TUBGCP3: variants seen among roughly 807,000 people sequenced by gnomAD.
The protein encoded by TUBGCP3 is gamma-tubulin complex component 3.
Under a neutral mutation model 123.1 loss-of-function variants are expected in TUBGCP3, and 50 were observed. That is an observed-to-expected ratio of 0.41 (90% confidence interval 0.32 to 0.51). The LOEUF (loss-of-function observed/expected upper bound fraction) is 0.51, where lower values mean the gene tolerates loss of function less well. TUBGCP3 is among the 20% of genes least tolerant of loss of function. The probability of loss-of-function intolerance (pLI) is 0.36; values close to 1 mark genes in which losing one functional copy is unlikely to be tolerated. For missense variants in TUBGCP3, 882 were observed against 1,127.0 expected (o/e 0.78, Z 3.11); for synonymous variants, 405 against 413.9 (o/e 0.98, Z 0.26).
Position 112,547,638 on chromosome 13 carries a change from G to A in TUBGCP3, c.1150C>T (p.Leu384=), listed in dbSNP as rs200478472. Reference sequence around the variant, plus strand: ...GTGGGACCTTGGCAGTGGTCCACTAGGGCCGCAAGGGTCTTCAGTCGTATT... The same window carrying A: ...GTGGGACCTTGGCAGTGGTCCACTAAGGCCGCAAGGGTCTTCAGTCGTATT... ...PKIRLKTLAA[L]VDHCQGRKGG... is the part of the protein sequence containing the mutation. The change falls in exon 10 of 22, where the codon CTA becomes TTA. Residue 384 remains leucine (L), a synonymous_variant. Coordinates refer to ENST00000261965, the MANE Select transcript of TUBGCP3 (RefSeq NM_006322.6). The A allele has an allele frequency of 1.3e-6, 2 of 1,555,318 alleles. No individual in the cohort carries two copies. Among genetic ancestry groups the A allele is most frequent in the Admixed American group, 1.9e-5 (1 of 53,026 alleles).
chr13:112,513,396 G>A (rs113914882), intron 17 of TUBGCP3, among the ~76,000 whole-genome samples: 3 of 152,212 alleles, frequency 2.0e-5, no homozygotes, highest in African/African-American at 7.2e-5. Context: ...GATCTGCTTG[G>A]TAGATCATGA....
Position 112,519,785 on chromosome 13 carries a change from T to C in TUBGCP3, c.1881+101A>G. 6.9e-7 allele frequency: 1 copy of C among 1,439,850 alleles called. No homozygotes were observed. The allele number at this position is 1,439,850 out of a possible 1,614,324, so 89.2% of individuals were successfully genotyped here. ...GCCCAGTTTCCAGAAAGATAACGGCTAGCTGTGCCTGAAACAACATGGAAA... is the reference window on the plus strand; with the variant it reads ...GCCCAGTTTCCAGAAAGATAACGGCCAGCTGTGCCTGAAACAACATGGAAA... On this transcript the variant is annotated intron_variant, in intron 15 of 21. Transcript: ENST00000261965. This position sits in a 1 kb window ranked among gnomAD's most constrained non-coding sequence, Gnocchi z 6.2.
intron 14 of TUBGCP3, among the ~76,000 whole-genome samples, chr13:112,520,504 TGACA>T (rs578041832): frequency 1.3e-5 from 2 of 151,914 alleles, no homozygotes; most frequent in African/African-American, 2.4e-5. Flanking sequence ...ACTGCCTGGG[TGACA>T]GACAGAGCGA....
At chr13:112,589,229 G>A (rs1378329462), upstream of TUBGCP3, among the ~76,000 whole-genome samples, 2 of 152,170 alleles carry the variant, frequency 1.3e-5, no homozygotes, top group African/African-American at 2.4e-5. Context: ...TCTCTCAGCC[G>A]CATACTACAA....
chr13:112,567,067 C>T (rs1375849644), intron 2 of TUBGCP3, among the ~76,000 whole-genome samples: 2 of 152,188 alleles, frequency 1.3e-5, no homozygotes, highest in African/African-American at 4.8e-5. Context: ...ATTAACAGTG[C>T]CTATCACAGG....
At chr13:112,580,837 A>G (rs947319608) in intron 1 of TUBGCP3, among the ~76,000 whole-genome samples, 1 of 152,256 alleles carries the variant, frequency 6.6e-6, no homozygotes, top group Admixed American at 6.5e-5. Flanking sequence ...GTAATTATTT[A>G]GATCAGCAAA....
chr13:112,561,103 G>A (rs1036958855), intron 3 of TUBGCP3, among the ~76,000 whole-genome samples: 3 of 152,244 alleles, frequency 2.0e-5, no homozygotes, highest in East Asian at 1.9e-4. Flanking sequence ...TGCGAAGGAC[G>A]TCCTAGGCAG....
At chr13:112,488,570 C>T (rs1879835250) in intron 21 of TUBGCP3, among the ~76,000 whole-genome samples, 1 of 152,180 alleles carries the variant, frequency 6.6e-6, no homozygotes, top group Non-Finnish European at 1.5e-5. Context: ...CTGCAGGTCC[C>T]CACAATCCCA....
At chr13:112,555,471 C>T (rs1431531992) in intron 6 of TUBGCP3, among the ~76,000 whole-genome samples, 1 of 152,194 alleles carries the variant, frequency 6.6e-6, no homozygotes, top group African/African-American at 2.4e-5. Context: ...TTTCAGGACA[C>T]TCATGTTTCA....
rs377093438 is a variant in TUBGCP3, at chr13:112,565,130, T to C, written c.233A>G (p.His78Arg). The C allele has an allele frequency of 8.1e-6, 13 of 1,613,802 alleles. No homozygotes were observed. Among genetic ancestry groups the C allele is most frequent in the Non-Finnish European group, 1.0e-5 (12 of 1,179,972 alleles). The change falls in exon 3 of 22, where the codon CAC (histidine) becomes CGC (arginine). Residue 78 changes from histidine to arginine, a missense_variant. By Grantham distance (29) the His-to-Arg change is conservative. This residue lies in a region of TUBGCP3 where 713 missense variants were observed against 874.0 expected (regional missense o/e 0.82). Transcript: ENST00000261965. ...CTGTACCTGTGAATGAAGTTTTCTG[T>C]GGAGTTCTGAAAATAATGCAGCATC... is the stretch of plus-strand genomic sequence containing the variant. ...EADAALFSEL[H>R]RKLHSQGVLK...
intron 4 of TUBGCP3, 71 bp from the exon 5 acceptor site, chr13:112,558,484 A>ATTT: frequency 7.7e-7 from 1 of 1,295,610 alleles, no homozygotes; most frequent in Non-Finnish European, 1.0e-6. Flanking sequence ...TAAAAAGGTC[A>ATTT]TTTATATTCA....
chr13:112,579,647 G>C (rs1023103763), intron 1 of TUBGCP3, among the ~76,000 whole-genome samples: 3 of 145,938 alleles, frequency 2.1e-5, no homozygotes, highest in African/African-American at 7.6e-5. Flanking sequence ...TGCTGAGTGG[G>C]GGTGGAGCCA....
intron 11 of TUBGCP3, among the ~76,000 whole-genome samples, chr13:112,539,128 A>G (rs1339514738): frequency 2.0e-5 from 3 of 152,230 alleles, no homozygotes; most frequent in African/African-American, 7.2e-5. Context: ...TGTTCTCCTT[A>G]AAGTAGCAGC....
At chr13:112,588,193 G>T (rs922879313), upstream of TUBGCP3, 10 of 409,764 alleles carry the variant, frequency 2.4e-5, no homozygotes, top group Middle Eastern at 6.3e-4. Context: ...CCTGCGCCGC[G>T]GCCGCGCGTG....
chr13:112,567,710 T>C (rs1444997733), intron 2 of TUBGCP3, among the ~76,000 whole-genome samples: 1 of 152,226 alleles, frequency 6.6e-6, no homozygotes, highest in Non-Finnish European at 1.5e-5. Flanking sequence ...AAAAGCACTA[T>C]GTCTAGGTGA....
chr13:112,600,003 G>T, the TUBGCP3 span, among the ~76,000 whole-genome samples: 7 of 152,250 alleles, frequency 4.6e-5, no homozygotes, highest in East Asian at 9.6e-4. Context: ...ATTAAAACAT[G>T]ATTATTAACT....
intron 3 of TUBGCP3, among the ~76,000 whole-genome samples, chr13:112,564,837 C>T (rs565797046): frequency 6.6e-6 from 1 of 152,298 alleles, no homozygotes; most frequent in South Asian, 2.1e-4. Flanking sequence ...TTCCTCCCAG[C>T]AGTGTAATTA....
At chr13:112,493,896 G>A (rs1880334739) in intron 20 of TUBGCP3, among the ~76,000 whole-genome samples, 2 of 150,588 alleles carry the variant, frequency 1.3e-5, no homozygotes, top group Non-Finnish European at 3.0e-5. Context: ...TAGGAATGGG[G>A]CCTGGTGTCC....
chr13:112,504,272 G>C, intron 18 of TUBGCP3, 109 bp from the exon 19 acceptor site: 1 of 1,393,498 alleles, frequency 7.2e-7, no homozygotes, highest in Non-Finnish European at 9.8e-7. Flanking sequence ...CAGATCACCT[G>C]AGATCAGGAG....
Sources: gnomAD v4.1 joint callset for allele counts (sites outside exome capture counted in the v4.1 genomes callset) on GRCh38, gnomAD v4.1.1 for gene constraint, gnomAD v4.1.1 regional missense constraint, Gnocchi (gnomAD v3.1) non-coding constraint, MANE v1.5 for transcripts, NCBI Gene and HGNC (gene_info 2026-07-23, HGNC 2026-07-21) for gene names.